The following CD99 variants were observed in gnomAD, a reference collection of about 807,000 sequenced individuals.
The protein encoded by CD99 is CD99 antigen.
Under a neutral mutation model 28.4 loss-of-function variants are expected in CD99, and 19 were observed. That is an observed-to-expected ratio of 0.67 (90% CI 0.47 to 0.98). The LOEUF (loss-of-function observed/expected upper bound fraction) is 0.98. CD99 is among the 50% of genes least tolerant of loss of function. The pLI is 0.00. For missense variants in CD99, 283 were observed against 248.8 expected, an observed-to-expected ratio of 1.14 and a Z score of -0.92; for synonymous variants, 103 against 92.1, an observed-to-expected ratio of 1.12 and a Z score of -0.67.
At position 2,740,824 on chromosome X, in the gene CD99, G is replaced by T; in HGVS notation, c.*20G>T. On this transcript the variant is annotated 3_prime_UTR_variant, in exon 10 of 10. Coordinates refer to ENST00000381192, the MANE Select transcript of CD99 (RefSeq NM_002414.5). ...AAATAGAAGATTGTCGGCAGAAACA[G>T]CCCAGGCGTTGGCAGCAGGGTTAGA... 6.2e-7 allele frequency: 1 copy of T among 1,613,880 alleles called. No individual in the cohort carries two copies. Among genetic ancestry groups the T allele is most frequent in the Non-Finnish European group, 8.5e-7 (1 of 1,179,802 alleles).
At chrX:2,736,449 C>T (rs1310339858) in intron 8 of CD99, among the ~76,000 whole-genome samples, 1 of 152,026 alleles carries the variant, frequency 6.6e-6, no homozygotes, top group Non-Finnish European at 1.5e-5. Context: ...ATCTCTTACG[C>T]GTTTCCAATT....
chrX:2,726,287 T>C lies in CD99; in HGVS notation c.389T>C (p.Ile130Thr), dbSNP rs1373700340. 6.2e-7 allele frequency: 1 copy of C among 1,611,600 alleles called. No individual in the cohort carries two copies. Among genetic ancestry groups the C allele is most frequent in the South Asian group, 1.1e-5 (1 of 90,976 alleles). Residue 130 changes from isoleucine to threonine, a missense_variant, in exon 8 of 10, where the codon ATT (isoleucine) becomes ACT (threonine). Transcript: ENST00000381192. ...GACGCCCCAGGCGTGATCCCCGGGA[T>C]TGTGGGGGCTGTCGTGGTCGCCGTG... is the stretch of plus-strand genomic sequence containing the variant. The part of the protein sequence containing the change: ...EADAPGVIPG[I>T]VGAVVVAVAG...
intron 2 of CD99, 98 bp from the exon 3 acceptor site, chrX:2,717,507 A>C: frequency 2.0e-6 from 2 of 979,228 alleles, no homozygotes; most frequent in South Asian, 1.3e-5. Context: ...ACATTCTCCG[A>C]CTGTTTCCAA....
chrX:2,738,673 C>T (rs954401677), intron 9 of CD99, among the ~76,000 whole-genome samples: 4 of 151,046 alleles, frequency 2.6e-5, no homozygotes, highest in East Asian at 2.0e-4. Context: ...TGCAGTGAGC[C>T]GAGATCGTGC....
intron 8 of CD99, among the ~76,000 whole-genome samples, chrX:2,736,578 CCGGG>C (rs1300231966): frequency 6.6e-6 from 1 of 151,878 alleles, no homozygotes; most frequent in Non-Finnish European, 1.5e-5. Context: ...GAATAGAGGG[CCGGG>C]CGTGGTGGCT....
At chrX:2,712,925 A>G (rs1469991807) in intron 1 of CD99, among the ~76,000 whole-genome samples, 6 of 152,130 alleles carry the variant, frequency 3.9e-5, no homozygotes, top group Non-Finnish European at 7.4e-5. Context: ...ACATGCACCT[A>G]TGCATATGCA....
chrX:2,700,744 A>T (rs1481681839), intron 1 of CD99, among the ~76,000 whole-genome samples: 5 of 151,162 alleles, frequency 3.3e-5, no homozygotes, highest in Non-Finnish European at 5.9e-5. Flanking sequence ...CCACTCATCT[A>T]TCCATCCATT....
At chrX:2,719,392 T>C (rs2048888948) in intron 3 of CD99, 1 of 414,288 alleles carries the variant, frequency 2.4e-6, no homozygotes, top group African/African-American at 2.7e-5. Flanking sequence ...TATTTCTCTC[T>C]CTCTCTCCCC....
At chrX:2,710,987 C>G (rs781495837) in intron 1 of CD99, among the ~76,000 whole-genome samples, 3 of 148,934 alleles carry the variant, frequency 2.0e-5, no homozygotes, top group Non-Finnish European at 4.4e-5. Flanking sequence ...TTTCCTGCCT[C>G]AGCCTCCTGA....
At chrX:2,706,808 A>AT (rs965636830) in intron 1 of CD99, among the ~76,000 whole-genome samples, 3 of 151,666 alleles carry the variant, frequency 2.0e-5, no homozygotes, top group African/African-American at 7.3e-5. Context: ...GAACTGCCTA[A>AT]TTTTTTTTAA....
intron 8 of CD99, chrX:2,737,983 T>G (rs1235557528): frequency 1.4e-6 from 1 of 714,862 alleles, no homozygotes; most frequent in Admixed American, 2.0e-5. Flanking sequence ...GAAGTTCATC[T>G]CTGCCTGTGC....
chrX:2,704,761 TG>T, intron 1 of CD99, among the ~76,000 whole-genome samples: 1 of 152,148 alleles, frequency 6.6e-6, no homozygotes, highest in African/African-American at 2.4e-5. Flanking sequence ...TTGCCCAGGC[TG>T]GAGTGCCGTG....
intron 1 of CD99, among the ~76,000 whole-genome samples, chrX:2,699,355 A>G (rs138345496): frequency 0.012 from 1,814 of 151,570 alleles, 40 homozygotes; most frequent in African/African-American, 0.04. Context: ...TTTTTAGTAG[A>G]GACGGGATTT....
At chrX:2,712,922 C>T (rs2048491224) in intron 1 of CD99, among the ~76,000 whole-genome samples, 3 of 152,056 alleles carry the variant, frequency 2.0e-5, no homozygotes, top group Admixed American at 2.0e-4. Flanking sequence ...CATACATGCA[C>T]CTATGCATAT....
intron 1 of CD99, among the ~76,000 whole-genome samples, chrX:2,703,606 G>GTGTGTGTGTC (rs1036268622): frequency 3.5e-5 from 1 of 28,278 alleles, no homozygotes; most frequent in African/African-American, 3.8e-4. Context: ...GAGCTGTTAA[G>GTGTGTGTGTC]TGTGTGTGTG....
Position 2,733,343 on chromosome X carries a change from A to G in CD99, c.476-4857A>G, listed in dbSNP as rs2049773489. 6 of 1,580,586 alleles carry G rather than the reference A, an allele frequency of 3.8e-6. No homozygotes were observed. In the South Asian group the frequency reaches 5.8e-5, roughly 15 times the overall value. ...GTATTATTATTTTTTATCGTTTTCA[A>G]CCTTCCATTTCAGATGGCTGAAGAC... On this transcript the variant is annotated intron_variant, in intron 8 of 9. Transcript: ENST00000381192.
At chrX:2,697,182 A>G (rs2047618386) in intron 1 of CD99, among the ~76,000 whole-genome samples, 1 of 152,056 alleles carries the variant, frequency 6.6e-6, no homozygotes, top group Non-Finnish European at 1.5e-5. Flanking sequence ...GATATAATAT[A>G]TGTTTGTCAT....
At chrX:2,725,206 C>T (rs1272019960) in intron 7 of CD99, among the ~76,000 whole-genome samples, 1 of 151,556 alleles carries the variant, frequency 6.6e-6, no homozygotes, top group Non-Finnish European at 1.5e-5. Flanking sequence ...CGAGATCAGA[C>T]TGGGCAACAT....
In CD99 at chrX:2,727,241, A is replaced by C. The variant is rs2049338124; in HGVS notation, c.475+868A>C. 4 of 765,238 alleles carry C rather than the reference A, an allele frequency of 5.2e-6. No individual in the cohort carries two copies. The South Asian group carries it at 5.5e-5, about 11-fold the overall frequency. 47.4% of individuals were successfully genotyped at this position (765,238 alleles called of 1,614,324 possible). On this transcript the variant is annotated intron_variant, in intron 8 of 9. Coordinates refer to ENST00000381192, the MANE Select transcript of CD99 (RefSeq NM_002414.5). Reference sequence around the variant, plus strand: ...GGGAAGTTTCTTGGATCGGGACTAAAATTTACAGGGGAATTAGGAGGAGGA... The same window carrying C: ...GGGAAGTTTCTTGGATCGGGACTAACATTTACAGGGGAATTAGGAGGAGGA...
Sources: allele counts gnomAD v4.1 joint callset (sites outside exome capture counted in the v4.1 genomes callset), GRCh38; gene constraint gnomAD v4.1.1; transcripts MANE v1.5; gene names NCBI Gene and HGNC (gene_info 2026-07-23, HGNC 2026-07-21).